The following CYRIB variants were observed in gnomAD, a reference collection of about 807,000 sequenced individuals.
CYRIB encodes CYFIP related Rac1 interactor B.
A neutral mutation model predicts 44.2 loss-of-function variants in CYRIB; 8 were observed. That is an observed-to-expected ratio of 0.18 (90% CI 0.11 to 0.33). The LOEUF is 0.33. CYRIB is among the 10% of genes least tolerant of loss of function. CYRIB has a pLI of 1.00. For synonymous variants in CYRIB, 131 were observed against 127.2 expected (o/e 1.03, Z -0.20); for missense variants, 185 against 382.8 (o/e 0.48, Z 4.31).
chr8:130,006,594 T>TTATATA, intron 1 of CYRIB, among the ~76,000 whole-genome samples: 220 of 15,296 alleles, frequency 0.014, 23 homozygotes, highest in African/African-American at 0.072. Flanking sequence ...AAAACACAAA[T>TTATATA]TATATATATA....
intron 2 of CYRIB, among the ~76,000 whole-genome samples, chr8:129,899,892 T>C (rs917906165): frequency 1.3e-5 from 2 of 152,190 alleles, no homozygotes; most frequent in Non-Finnish European, 2.9e-5. Flanking sequence ...ATATGGTCTT[T>C]GTAGTCTCTT....
chr8:129,960,440 C>T (rs1010971928), intron 2 of CYRIB, among the ~76,000 whole-genome samples: 4 of 151,306 alleles, frequency 2.6e-5, no homozygotes, highest in African/African-American at 9.7e-5. Flanking sequence ...ACTAAAAATA[C>T]AAAAATTAGC....
At chr8:129,967,408 C>A (rs1370519219) in intron 2 of CYRIB, among the ~76,000 whole-genome samples, 1 of 148,942 alleles carries the variant, frequency 6.7e-6, no homozygotes, top group South Asian at 2.1e-4. Context: ...GAGATGGAGT[C>A]TTGCTCTGTC....
upstream of CYRIB, among the ~76,000 whole-genome samples, chr8:129,940,079 T>TA (rs1356803092): frequency 1.3e-5 from 2 of 152,004 alleles, no homozygotes; most frequent in Non-Finnish European, 2.9e-5. Flanking sequence ...CCTTCGCAAA[T>TA]ATCGCGCCGA....
upstream of CYRIB, chr8:130,016,634 G>C (rs1252557737): frequency 1.3e-5 from 2 of 149,318 alleles, no homozygotes; most frequent in African/African-American, 2.4e-5. Context: ...GCCGGCGCTC[G>C]CACAAAAGGA....
chr8:129,900,689 GT>G lies in CYRIB; in HGVS notation c.-11+2622del, dbSNP rs149891142. Reference sequence around the variant, plus strand: ...ACTGATATTTGGGTTTTGGGAGGGTGTTTTTTTTGAGACAATGTCCTGCTCT... The same window carrying G: ...ACTGATATTTGGGTTTTGGGAGGGTGTTTTTTTGAGACAATGTCCTGCTCT... On this transcript the variant is annotated intron_variant, in intron 2 of 11. Coordinates refer to ENST00000519824, the Ensembl canonical transcript of CYRIB. 9.9e-3 allele frequency among the ~76,000 whole-genome samples: 1,500 copies of G among 152,044 alleles called. 35 individuals are homozygous for G. Among genetic ancestry groups the G allele is most frequent in the African/African-American group, 0.034 (1,431 of 41,490 alleles).
At chr8:129,900,347 A>T (rs2070887306) in intron 2 of CYRIB, among the ~76,000 whole-genome samples, 2 of 152,210 alleles carry the variant, frequency 1.3e-5, no homozygotes, top group African/African-American at 4.8e-5. Context: ...GTTCCCAACT[A>T]TGTCCCCTTT....
intron 1 of CYRIB, among the ~76,000 whole-genome samples, chr8:129,922,659 C>A (rs1007254294): frequency 6.0e-5 from 9 of 150,838 alleles, no homozygotes; most frequent in African/African-American, 2.2e-4. Context: ...GTCAGGAGAT[C>A]GAGACCAGCC....
chr8:129,882,849 A>G (rs1024577801), intron 2 of CYRIB, among the ~76,000 whole-genome samples: 13 of 152,080 alleles, frequency 8.5e-5, no homozygotes, highest in Admixed American at 7.2e-4. Context: ...ATTTGCTCTC[A>G]TAAGGATTGA....
chr8:129,908,357 C>T (rs1012088574), intron 1 of CYRIB, among the ~76,000 whole-genome samples: 2 of 152,066 alleles, frequency 1.3e-5, no homozygotes, highest in Admixed American at 6.5e-5. Context: ...AAAATGTATA[C>T]TCCCTAATAA....
chr8:129,857,099 A>G (rs1013287846), intron 5 of CYRIB, among the ~76,000 whole-genome samples: 1 of 152,184 alleles, frequency 6.6e-6, no homozygotes, highest in Non-Finnish European at 1.5e-5. Flanking sequence ...AATGACAGCT[A>G]TTATCCTTTT....
chr8:129,864,689 G>T, intron 4 of CYRIB: 1 of 276,022 alleles, frequency 3.6e-6, no homozygotes, highest in Non-Finnish European at 7.1e-6. Context: ...AGTTCCTAAG[G>T]GTGCAATGTA....
At chr8:129,926,521 T>A (rs2087824497) in intron 1 of CYRIB, among the ~76,000 whole-genome samples, 1 of 152,178 alleles carries the variant, frequency 6.6e-6, no homozygotes, top group African/African-American at 2.4e-5. Flanking sequence ...CATCTCTAAA[T>A]ATGATTTTGA....
rs77328488 is a variant in CYRIB at position 130,007,894 on chromosome 8, T to G, written c.-296+8476A>C. ...AAAATCACAGAAACCCACGACGTGA[T>G]CCTGATGGGAGCCCTGTTAAGAGGG... is the stretch of plus-strand genomic sequence containing the variant. On this transcript the variant is annotated intron_variant, in intron 1 of 14. Coordinates refer to the CYRIB transcript ENST00000401979. Among the ~76,000 whole-genome samples the G allele has an allele frequency of 3.4e-4, 51 of 151,022 alleles. 1 individual carries two copies. The East Asian group carries it at 9.3e-3, about 28-fold the overall frequency.
rs1190379082 is a variant in CYRIB, at chr8:129,930,100, A to C, written c.-50+9508T>G. ...GTGGCGCATGCCTGTAATCCCAGCT[A>C]CTCAGGAAGCTGAGGCAGGAGAATC... On this transcript the variant is annotated intron_variant, in intron 1 of 11. Coordinates refer to ENST00000519824, the Ensembl canonical transcript of CYRIB. 1.3e-5 allele frequency among the ~76,000 whole-genome samples: 2 copies of C among 151,776 alleles called. 1 individual carries two copies. Among genetic ancestry groups the C allele is most frequent in the South Asian group, 4.2e-4 (2 of 4,794 alleles).
intron 2 of CYRIB, among the ~76,000 whole-genome samples, chr8:129,880,990 TTC>T (rs532360916): frequency 1.3e-4 from 20 of 152,240 alleles, no homozygotes; most frequent in Non-Finnish European, 2.8e-4. Context: ...TTTTGATATC[TTC>T]TGTCTCCTAA....
intron 5 of CYRIB, among the ~76,000 whole-genome samples, chr8:129,860,781 C>A (rs1250388558): frequency 6.6e-6 from 1 of 151,608 alleles, no homozygotes; most frequent in Non-Finnish European, 1.5e-5. Context: ...AGCACAAGTC[C>A]TAACTAATGG....
At chr8:129,929,120 C>T (rs539014762) in intron 1 of CYRIB, among the ~76,000 whole-genome samples, 37 of 152,314 alleles carry the variant, frequency 2.4e-4, no homozygotes, top group African/African-American at 8.7e-4. Context: ...GAACAAATTA[C>T]TGATACACTC....
chr8:129,944,991 C>T (rs1275228651), intron 2 of CYRIB, among the ~76,000 whole-genome samples: 96 of 152,248 alleles, frequency 6.3e-4, no homozygotes, highest in Non-Finnish European at 8.8e-5. Context: ...CTGGTTTACC[C>T]TCTAGACTCA....
Sources: allele counts gnomAD v4.1 joint callset (sites outside exome capture counted in the v4.1 genomes callset), GRCh38; gene constraint gnomAD v4.1.1; transcripts MANE v1.5; gene names NCBI Gene and HGNC (gene_info 2026-07-23, HGNC 2026-07-21).